The following XDH variants were observed in gnomAD, a reference collection of about 807,000 sequenced individuals.
The protein encoded by XDH is xanthine dehydrogenase.
A neutral mutation model predicts 156.1 loss-of-function variants in XDH; 138 were observed. The observed-to-expected ratio is 0.88, with a 90% CI of 0.77 to 1.02. XDH has a LOEUF of 1.02. Among genes scored for constraint, XDH ranks in the 50% least tolerant of loss-of-function variants. XDH has a pLI of 0.00. For synonymous variants in XDH, 669 were observed against 625.7 expected, an observed-to-expected ratio of 1.07 and a Z score of -1.03; for missense variants, 1,849 against 1,684.9, an observed-to-expected ratio of 1.10 and a Z score of -1.71.
chr2:31,336,612 G>A (rs1003809329), intron 35 of XDH, among the ~76,000 whole-genome samples: 2 of 151,204 alleles, frequency 1.3e-5, no homozygotes, highest in Non-Finnish European at 2.9e-5. Context: ...AGTGCCACAC[G>A]GTCTGTGTAG....
intron 23 of XDH, among the ~76,000 whole-genome samples, chr2:31,365,069 G>A (rs1042752500): frequency 2.0e-5 from 3 of 152,198 alleles, no homozygotes; most frequent in Non-Finnish European, 2.9e-5. Flanking sequence ...CAGGCCCCTG[G>A]GAAGTTTTAT....
chr2:31,396,155 C>A (rs1353303870), intron 6 of XDH, among the ~76,000 whole-genome samples: 1 of 152,172 alleles, frequency 6.6e-6, no homozygotes, highest in Non-Finnish European at 1.5e-5. Flanking sequence ...GTGTGTCAGG[C>A]ATTTTGGCTG....
Position 31,381,659 on chromosome 2 carries a change from C to G in XDH, c.1106G>C (p.Gly369Ala). 4 of 1,614,062 alleles carry G rather than the reference C, an allele frequency of 2.5e-6. No homozygotes were observed. Among genetic ancestry groups the G allele is most frequent in the Non-Finnish European group, 3.4e-6 (4 of 1,180,000 alleles). ...SDLNPVFMAS[G>A]AKLTLVSRGT... The stretch of plus-strand genomic sequence containing the variant: ...TCTGGACACAAGTGTCAGCTTGGCC[C>G]CACTGGCCATGAACACGGGGTTGAG... The change falls in exon 12 of 36, where the codon GGG (glycine) becomes GCG (alanine). Residue 369 changes from glycine (G) to alanine (A), a missense_variant. Physicochemically the swap from Gly to Ala is moderately conservative, Grantham distance 60. Transcript: ENST00000379416.
chr2:31,384,773 C>T (rs1686538748), intron 9 of XDH, among the ~76,000 whole-genome samples: 1 of 152,146 alleles, frequency 6.6e-6, no homozygotes, highest in African/African-American at 2.4e-5. Flanking sequence ...TTCAGAAATC[C>T]TAGAAGCACC....
intron 3 of XDH, 143 bp from the exon 4 acceptor site, chr2:31,401,471 T>C: frequency 1.1e-6 from 1 of 874,342 alleles, no homozygotes; most frequent in Middle Eastern, 2.1e-4. Flanking sequence ...TCTACCAGTG[T>C]CCTCACCTCT....
intron 8 of XDH, among the ~76,000 whole-genome samples, chr2:31,386,778 G>A (rs1686608778): frequency 6.6e-6 from 1 of 152,076 alleles, no homozygotes; most frequent in African/African-American, 2.4e-5. Context: ...ATTTTCACCA[G>A]TGAAAGAAGA....
intron 24 of XDH, among the ~76,000 whole-genome samples, chr2:31,351,606 T>G (rs1015227854): frequency 5.9e-5 from 9 of 152,238 alleles, no homozygotes; most frequent in African/African-American, 1.9e-4. Context: ...TGTTCCTAGA[T>G]TCCATGCCTT....
rs187943578 is a variant in XDH, at chr2:31,357,733, A to T, written c.2631+6425T>A. Among the ~76,000 whole-genome samples, 179 of 152,170 alleles carry T rather than the reference A, an allele frequency of 1.2e-3. 1 individual carries two copies. The highest frequency in any genetic ancestry group is 4.0e-3 in the African/African-American group (168 of 41,562). On this transcript the variant is annotated intron_variant, in intron 24 of 35. Coordinates refer to ENST00000379416, the MANE Select transcript of XDH (RefSeq NM_000379.4). ...TTGAAATGTTCCCTAACACAGAAAA[A>T]TGATAAATTCTTGAGGTGATAGATA...
At chr2:31,396,044 G>A (rs1202703962) in intron 6 of XDH, among the ~76,000 whole-genome samples, 3 of 152,136 alleles carry the variant, frequency 2.0e-5, no homozygotes, top group South Asian at 2.1e-4. Flanking sequence ...GCTAGTAACC[G>A]AGTTTGTTAG....
At chr2:31,398,055 C>T (rs1303432967) in intron 5 of XDH, among the ~76,000 whole-genome samples, 1 of 152,176 alleles carries the variant, frequency 6.6e-6, no homozygotes, top group Non-Finnish European at 1.5e-5. Flanking sequence ...AGAGTATGAA[C>T]TTTTTGAGAG....
intron 28 of XDH, 58 bp downstream of exon 28, chr2:31,348,210 A>G (rs1685354057): frequency 3.4e-5 from 53 of 1,578,240 alleles, no homozygotes; most frequent in Non-Finnish European, 4.6e-5. Flanking sequence ...CCACTGCTCA[A>G]TTTCTTATAC....
chr2:31,367,563 G>A (rs953740630), intron 20 of XDH, among the ~76,000 whole-genome samples: 10 of 152,150 alleles, frequency 6.6e-5, no homozygotes, highest in Non-Finnish European at 1.2e-4. Context: ...AGGGAGAGCA[G>A]GGCAAAGGGA....
chr2:31,386,301 G>T, intron 9 of XDH, 113 bp downstream of exon 9: 1 of 1,431,666 alleles, frequency 7.0e-7, no homozygotes, highest in Non-Finnish European at 9.6e-7. Context: ...CAGTGGGGCA[G>T]AGGGATAGGG....
Position 31,412,631 on chromosome 2 carries a change from T to C in XDH, c.42+1994A>G, listed in dbSNP as rs1008864281. 2.6e-5 allele frequency among the ~76,000 whole-genome samples: 4 copies of C among 151,820 alleles called. No homozygotes were observed. In the East Asian group the frequency reaches 7.7e-4, roughly 29 times the overall value. On this transcript the variant is annotated intron_variant, in intron 1 of 35. Transcript: ENST00000379416. Reference sequence around the variant, plus strand: ...ATGTACCCTAGAACTTAAAGTATAATAATAAAAAAAAAGAGTCACTAAGTT... The same window carrying C: ...ATGTACCCTAGAACTTAAAGTATAACAATAAAAAAAAAGAGTCACTAAGTT...
chr2:31,375,835 A>C lies in XDH; in HGVS notation c.1428-281T>G, dbSNP rs115727746. ...GGCAACATCTTAAGTGTTTTATATG[A>C]ATTCTCACTTTTAATTTAAATTTGA... On this transcript the variant is annotated intron_variant, in intron 14 of 35. Transcript: ENST00000379416. 6.9e-3 allele frequency among the ~76,000 whole-genome samples: 1,044 copies of C among 152,382 alleles called. 9 individuals are homozygous for C. Among genetic ancestry groups the C allele is most frequent in the African/African-American group, 0.024 (983 of 41,586 alleles).
rs989209453 is a variant in XDH at position 31,335,217 on chromosome 2, A to T, written c.*741T>A. ...GAAATTACTTTGGCTTCAAATGTAA[A>T]GATTAAACATAATCTTTTTTGTAAA... On this transcript the variant is annotated 3_prime_UTR_variant, in exon 36 of 36. Coordinates refer to ENST00000379416, the MANE Select transcript of XDH (RefSeq NM_000379.4). The T allele has an allele frequency of 6.6e-6, 1 of 152,624 alleles. No individual in the cohort carries two copies. The highest frequency in any genetic ancestry group is 1.5e-5 in the Non-Finnish European group (1 of 68,478). 9.5% of individuals were successfully genotyped at this position (152,624 alleles called of 1,614,324 possible).
At chr2:31,366,536 G>A (rs1214210724) in intron 21 of XDH, among the ~76,000 whole-genome samples, 1 of 152,160 alleles carries the variant, frequency 6.6e-6, no homozygotes, top group Admixed American at 6.5e-5. Context: ...GGAAACTGAG[G>A]CAGGATATGA....
rs368195147 is a variant in XDH at position 31,407,069 on chromosome 2, A to G, written c.43-1105T>C. 7.9e-5 allele frequency among the ~76,000 whole-genome samples: 12 copies of G among 152,356 alleles called. No individual in the cohort carries two copies. The East Asian group carries it at 1.5e-3, about 20-fold the overall frequency. On this transcript the variant is annotated intron_variant, in intron 1 of 35. Transcript: ENST00000379416. ...GGTGTATATTATTGGGATAATAAAG[A>G]GAAAGAATTCATGATAAGGTTTTCG...
Position 31,405,925 on chromosome 2 carries a change from C to T in XDH, c.82G>A (p.Ala28Thr), listed in dbSNP as rs752074088. 6.8e-6 allele frequency: 11 copies of T among 1,614,052 alleles called. No homozygotes were observed. In the African/African-American group the frequency reaches 1.1e-4, roughly 16 times the overall value. ...AGGATACACTTTCTTCTCAGGTAGG[C>T]CAAAAGGGTTGTCTCTGGATCTGCA... ...KNADPETTLL[A>T]YLRRKLGLSG... The change falls in exon 2 of 36, where the codon GCC becomes ACC. Residue 28 changes from alanine to threonine, a missense_variant. By Grantham distance (58) the Ala-to-Thr change is moderately conservative. Transcript: ENST00000379416.
Sources: allele counts gnomAD v4.1 joint callset (sites outside exome capture counted in the v4.1 genomes callset), GRCh38; gene constraint gnomAD v4.1.1; transcripts MANE v1.5; gene names NCBI Gene and HGNC (gene_info 2026-07-23, HGNC 2026-07-21).